The following HPS5 variants were observed in gnomAD, a reference collection of about 807,000 sequenced individuals.
HPS5 encodes BLOC-2 complex member HPS5.
Under a neutral mutation model 128.0 loss-of-function variants are expected in HPS5, and 83 were observed. That is an observed-to-expected ratio of 0.65 (90% CI 0.54 to 0.78). The LOEUF (loss-of-function observed/expected upper bound fraction) is 0.78, where lower values mean the gene tolerates loss of function less well. Among genes scored for constraint, HPS5 ranks in the 30% least tolerant of loss-of-function variants. The pLI is 0.00. For missense variants in HPS5, 1,281 were observed against 1,326.2 expected (o/e 0.97, Z 0.53); for synonymous variants, 475 against 470.2 (o/e 1.01, Z -0.13).
chr11:18,283,519 C>A (rs1228813714), intron 21 of HPS5, among the ~76,000 whole-genome samples: 2 of 151,712 alleles, frequency 1.3e-5, no homozygotes, highest in Non-Finnish European at 2.9e-5. Context: ...TTTAAAACAA[C>A]ATATGGAAAG....
At position 18,283,870 on chromosome 11, in the gene HPS5, CCAAA is replaced by C. The variant is rs886041723; in HGVS notation, c.2979_2982del (p.Cys993TrpfsTer16). 35 of 1,613,160 alleles carry C rather than the reference CCAAA, an allele frequency of 2.2e-5. No homozygotes were observed. The highest frequency in any genetic ancestry group is 3.0e-5 in the Non-Finnish European group (35 of 1,179,520). ...AAGGCCTCTCTTCTTCTCTCCAGCT[CCAAA>C]CAGAGAATTAGATATCCAGGCCAGA... On this transcript the variant is annotated frameshift_variant, in exon 21 of 23. Coordinates refer to ENST00000349215, the MANE Select transcript of HPS5 (RefSeq NM_181507.2). LOFTEE classifies it high-confidence loss of function.
intron 3 of HPS5, 54 bp from the exon 4 acceptor site, chr11:18,311,505 A>ATTT (rs1405485967): frequency 5.4e-5 from 44 of 816,644 alleles, no homozygotes; most frequent in South Asian, 2.2e-4. Flanking sequence ...CATTATTATT[A>ATTT]TTATTATTTT....
In HPS5 at chr11:18,298,869, G is replaced by A. The variant is rs150200184; in HGVS notation, c.1087C>T (p.Arg363Cys). ...SLISVERCVERLLRRGLWNLA... is the reference protein window; with the variant it reads ...SLISVERCVECLLRRGLWNLA... ...TTCCATAGGCCTCTTCTTAGCAGGC[G>A]TTCCACACAGCGCTCCACAGATATC... Residue 363 changes from arginine (R) to cysteine (C), a missense_variant, in exon 10 of 23, where the codon CGC becomes TGC. By Grantham distance (180) the Arg-to-Cys change is radical. Transcript: ENST00000349215. 9 of 1,614,004 alleles carry A rather than the reference G, an allele frequency of 5.6e-6. No homozygotes were observed. Among genetic ancestry groups the A allele is most frequent in the East Asian group, 2.2e-5 (1 of 44,900 alleles).
intron 9 of HPS5, 71 bp from the exon 10 acceptor site, chr11:18,299,041 A>ATT: frequency 7.2e-7 from 1 of 1,391,632 alleles, no homozygotes; most frequent in Non-Finnish European, 1.0e-6. Flanking sequence ...AAGGGATGCA[A>ATT]TTATTCTAAT....
At chr11:18,309,648 G>A (rs555040058) in intron 5 of HPS5, among the ~76,000 whole-genome samples, 19 of 152,310 alleles carry the variant, frequency 1.2e-4, no homozygotes, top group Middle Eastern at 3.4e-3. Flanking sequence ...AATTGATAAC[G>A]TTGATAGGTC....
chr11:18,301,454 C>CAAAAAAAA (rs899074500), intron 8 of HPS5, among the ~76,000 whole-genome samples: 41 of 51,640 alleles, frequency 7.9e-4, no homozygotes, highest in African/African-American at 1.0e-3. Flanking sequence ...GACTCTGTCT[C>CAAAAAAAA]AAAAAAAAAA....
At chr11:18,287,471 TATA>T in intron 18 of HPS5, 61 bp downstream of exon 18, 1 of 1,557,650 alleles carries the variant, frequency 6.4e-7, no homozygotes, top group African/African-American at 1.4e-5. Context: ...GACACCTGCT[TATA>T]AAAGAGAAAC....
rs1179740572 is a variant in HPS5 at position 18,311,464 on chromosome 11, A to T, written c.220-13T>A. 6.5e-7 allele frequency: 1 copy of T among 1,532,596 alleles called. No homozygotes were observed. The highest frequency in any genetic ancestry group is 1.2e-5 in the South Asian group (1 of 83,436). The allele number at this position is 1,532,596 out of a possible 1,614,324, so 94.9% of individuals were successfully genotyped here. ...AAATTGCACCTTCCTAGAGCACAAAAGAAAATACATTTTTTAAATCTCAAG... is the reference window on the plus strand; with the variant it reads ...AAATTGCACCTTCCTAGAGCACAAATGAAAATACATTTTTTAAATCTCAAG... On this transcript the variant is annotated splice_polypyrimidine_tract_variant and intron_variant, in intron 3 of 22. Coordinates refer to ENST00000349215, the MANE Select transcript of HPS5 (RefSeq NM_181507.2).
rs1564972467 is a variant in HPS5, at chr11:18,309,099, GAAAT to G, written c.478-24_478-21del. 3 of 1,611,196 alleles carry G rather than the reference GAAAT, an allele frequency of 1.9e-6. No individual in the cohort carries two copies. The highest frequency in any genetic ancestry group is 2.5e-6 in the Non-Finnish European group (3 of 1,177,798). On this transcript the variant is annotated intron_variant, in intron 5 of 22. Coordinates refer to ENST00000349215, the MANE Select transcript of HPS5 (RefSeq NM_181507.2). The stretch of plus-strand genomic sequence containing the variant: ...AGCTGCCTAAAAGGAATGTGAGAAA[GAAAT>G]AAAGTTTATTTAATCATAACATACA...
In HPS5 at chr11:18,279,932, G is replaced by T. The variant is rs750516587; in HGVS notation, c.3340C>A (p.Gln1114Lys). ...CGATCGCATTTTTCAAGCATGCTTTGTATCAAGGCCCTGAAATCCCAAAGA... is the reference window on the plus strand; with the variant it reads ...CGATCGCATTTTTCAAGCATGCTTTTTATCAAGGCCCTGAAATCCCAAAGA... ...IAEKRQRALI[Q>K]SMLEKCDRFL... Residue 1114 changes from glutamine (Q) to lysine (K), a missense_variant, in exon 23 of 23, where the codon CAA becomes AAA. Coordinates refer to ENST00000349215, the MANE Select transcript of HPS5 (RefSeq NM_181507.2). 2.5e-6 allele frequency: 4 copies of T among 1,614,080 alleles called. No individual in the cohort carries two copies. The Admixed American group carries it at 6.7e-5, about 27-fold the overall frequency.
intron 13 of HPS5, 35 bp downstream of exon 13, chr11:18,295,964 G>A (rs1001274814): frequency 1.3e-6 from 2 of 1,595,586 alleles, no homozygotes; most frequent in Non-Finnish European, 1.7e-6. Flanking sequence ...AATAAGATCA[G>A]TAATGGAATT....
At chr11:18,306,456 C>A in intron 6 of HPS5, 109 bp from the exon 7 acceptor site, 1 of 705,040 alleles carries the variant, frequency 1.4e-6, no homozygotes, top group South Asian at 1.6e-5. Context: ...ATGCCTTCTC[C>A]TTCATTCATA....
rs780582558 is a variant in HPS5 at position 18,291,639 on chromosome 11, T to A, written c.2243A>T (p.Asn748Ile). 3 of 1,614,100 alleles carry A rather than the reference T, an allele frequency of 1.9e-6. No homozygotes were observed. In the African/African-American group the frequency reaches 4.0e-5, roughly 22 times the overall value. Reference protein sequence around the residue: ...AELTTLCLELNVLNSKIKSTS... With the variant: ...AELTTLCLELIVLNSKIKSTS... Reference sequence around the variant, plus strand: ...GCTTTTGATCTTAGAATTCAATACATTCAACTCCAAACATAATGTTGTCAA... The same window carrying A: ...GCTTTTGATCTTAGAATTCAATACAATCAACTCCAAACATAATGTTGTCAA... Residue 748 changes from asparagine to isoleucine, a missense_variant, in exon 16 of 23, where the codon AAT (asparagine) becomes ATT (isoleucine). Physicochemically the swap from Asn to Ile is moderately radical, Grantham distance 149. Coordinates refer to ENST00000349215, the MANE Select transcript of HPS5 (RefSeq NM_181507.2).
chr11:18,308,037 T>G (rs1174012116), intron 6 of HPS5, among the ~76,000 whole-genome samples: 1 of 152,202 alleles, frequency 6.6e-6, no homozygotes, highest in Non-Finnish European at 1.5e-5. Context: ...CTGAGAAATA[T>G]GATAGCTGCC....
intron 14 of HPS5, among the ~76,000 whole-genome samples, chr11:18,293,348 A>G (rs1860671305): frequency 6.6e-6 from 1 of 151,958 alleles, no homozygotes; most frequent in Non-Finnish European, 1.5e-5. Flanking sequence ...TTGTTTTTGT[A>G]TTTTTAGTAG....
At chr11:18,290,573 C>T (rs908347606) in intron 16 of HPS5, among the ~76,000 whole-genome samples, 4 of 152,206 alleles carry the variant, frequency 2.6e-5, no homozygotes, top group African/African-American at 9.7e-5. Flanking sequence ...ACTTTAACCT[C>T]AACTTCCCCA....
intron 18 of HPS5, chr11:18,286,938 G>A: frequency 3.4e-6 from 2 of 595,234 alleles, no homozygotes; most frequent in Non-Finnish European, 5.9e-6. Flanking sequence ...GAAAGAGAGA[G>A]AGAAAGAAAG....
intron 19 of HPS5, 69 bp downstream of exon 19, chr11:18,286,522 A>C (rs1368505835): frequency 6.7e-7 from 1 of 1,485,950 alleles, no homozygotes; most frequent in Non-Finnish European, 9.2e-7. Flanking sequence ...AGCCTAGGCG[A>C]CAGAGTGAGA....
chr11:18,296,103 T>C lies in HPS5; in HGVS notation c.1530A>G (p.Pro510=). 1 of 1,613,336 alleles carries C rather than the reference T, an allele frequency of 6.2e-7. No homozygotes were observed. The highest frequency in any genetic ancestry group is 8.5e-7 in the Non-Finnish European group (1 of 1,179,344). ...CATTCTTATCTGTCTCAAACATCAC[T>C]GGAGCATGAGAAACATTGTCTAATG... is the stretch of plus-strand genomic sequence containing the variant. ...HGNEDNVSHA[P]VMFETDKNET... The change falls in exon 13 of 23, where the codon CCA becomes CCG. Residue 510 remains proline, a synonymous_variant. Transcript: ENST00000349215.
Sources: gnomAD v4.1 joint callset for allele counts (sites outside exome capture counted in the v4.1 genomes callset) on GRCh38, gnomAD v4.1.1 for gene constraint, MANE v1.5 for transcripts, NCBI Gene and HGNC (gene_info 2026-07-23, HGNC 2026-07-21) for gene names.